WDR87: variants seen among roughly 807,000 people sequenced by gnomAD.
The protein encoded by WDR87 is WD repeat-containing protein 87.
In WDR87, 56 loss-of-function variants were observed where a neutral mutation model predicts 83.3. That is an observed-to-expected ratio of 0.67 (90% confidence interval 0.54 to 0.84). WDR87 has a LOEUF of 0.84. WDR87 is among the 40% of genes least tolerant of loss of function. The probability of loss-of-function intolerance (pLI) is 0.00; values close to 1 mark genes in which losing one functional copy is unlikely to be tolerated. For missense variants in WDR87, 2,939 were observed against 3,431.9 expected (o/e 0.86, Z 3.59); for synonymous variants, 1,173 against 1,250.6 (o/e 0.94, Z 1.31).
rs2046246625 is a variant in WDR87, at chr19:37,895,426, C to T, written c.277G>A (p.Asp93Asn). 6 of 1,551,448 alleles carry T rather than the reference C, an allele frequency of 3.9e-6. No individual in the cohort carries two copies. Among genetic ancestry groups the T allele is most frequent in the Non-Finnish European group, 4.4e-6 (5 of 1,146,986 alleles). The change falls in exon 4 of 6, where the codon GAC becomes AAC. Residue 93 changes from aspartate to asparagine, a missense_variant. Physicochemically the swap from Asp to Asn is conservative, Grantham distance 23. Transcript: ENST00000447313. ...GAGAATGTTCTTTTCTCAACCATGT[C>T]CTCAGTTTTGCTCTTCATCCATGCT... is the stretch of plus-strand genomic sequence containing the variant. ...AVAWMKSKTE[D>N]MVEKRTFSMT...
At chr19:37,905,851 T>A (rs1599777999) in intron 1 of WDR87, among the ~76,000 whole-genome samples, 1 of 152,214 alleles carries the variant, frequency 6.6e-6, no homozygotes, top group East Asian at 1.9e-4. Flanking sequence ...AGTATTGCTC[T>A]ACATTGTTGT....
chr19:37,892,878 C>G lies in WDR87; in HGVS notation c.2825G>C (p.Gly942Ala). 1 of 1,551,952 alleles carries G rather than the reference C, an allele frequency of 6.4e-7. No individual in the cohort carries two copies. Among genetic ancestry groups the G allele is most frequent in the Non-Finnish European group, 8.7e-7 (1 of 1,147,056 alleles). ...ASLLKYQCCV[G>A]ALGQIFASYQ... The stretch of plus-strand genomic sequence containing the variant: ...AGAGGCAAAGATTTGCCCTAGTGCA[C>G]CAACACAGCACTGGTACTTCAGCAA... The change falls in exon 4 of 6, where the codon GGT becomes GCT. Residue 942 changes from glycine (G) to alanine (A), a missense_variant. By Grantham distance (60) the Gly-to-Ala change is moderately conservative (BLOSUM62 0). Around this residue, in one of 3 missense-constraint regions of WDR87, gnomAD observed 2,160 missense variants for 2,533.1 expected, o/e 0.85. Coordinates refer to ENST00000447313, the MANE Select transcript of WDR87 (RefSeq NM_001291088.2).
intron 5 of WDR87, 135 bp from the exon 6 acceptor site, chr19:37,890,411 A>AC: frequency 8.4e-7 from 1 of 1,192,116 alleles, no homozygotes; most frequent in South Asian, 2.5e-5. Flanking sequence ...CTTAAAAAAA[A>AC]AAAGCATTCT....
chr19:37,905,230 CCAA>C (rs2046317390), intron 1 of WDR87, among the ~76,000 whole-genome samples: 1 of 131,306 alleles, frequency 7.6e-6, no homozygotes, highest in African/African-American at 2.9e-5. Flanking sequence ...GACTCCGTCT[CCAA>C]AAAAAAAAAA....
At position 37,891,837 on chromosome 19, in the gene WDR87, A is replaced by G. The variant is rs147439984; in HGVS notation, c.3126-17T>C. On this transcript the variant is annotated splice_polypyrimidine_tract_variant and intron_variant, in intron 4 of 5. Transcript: ENST00000447313. Reference sequence around the variant, plus strand: ...ATCTGCTGCCTATGAAAGTCAAAGGAGAAGAAGGACTATGCTGAGTCAGGA... The same window carrying G: ...ATCTGCTGCCTATGAAAGTCAAAGGGGAAGAAGGACTATGCTGAGTCAGGA... 1,012 of 1,550,044 alleles carry G rather than the reference A, an allele frequency of 6.5e-4. 5 individuals carry two copies. The African/African-American group carries it at 0.013, about 20-fold the overall frequency.
chr19:37,888,004 CT>C lies in WDR87; in HGVS notation c.5666del (p.Lys1889ArgfsTer25), dbSNP rs1450676548. The C allele has an allele frequency of 6.5e-6, 10 of 1,549,848 alleles. No individual in the cohort carries two copies. In the African/African-American group the frequency reaches 1.4e-4, roughly 21 times the overall value. Reference protein sequence around the residue: ...AQEKKNLAQEKEKLAQRKENL... With the variant: ...AQEKKNLAQEXEKLAQRKENL... ...TCTCTTTCCTCTGAGCCAATTTTTC[CT>C]TCTCCTGGGCCAGATTCTTCTTTTC... On this transcript the variant is annotated frameshift_variant, in exon 6 of 6. Transcript: ENST00000447313. LOFTEE classifies it low-confidence loss of function (END_TRUNC).
chr19:37,903,079 C>T (rs1451598770), intron 1 of WDR87, among the ~76,000 whole-genome samples: 1 of 152,108 alleles, frequency 6.6e-6, no homozygotes, highest in Non-Finnish European at 1.5e-5. Context: ...ACGAGGAGAC[C>T]TGGCCACCCA....
chr19:37,891,169 T>TTG, intron 5 of WDR87, among the ~76,000 whole-genome samples: 1 of 149,280 alleles, frequency 6.7e-6, no homozygotes, highest in East Asian at 1.9e-4. Context: ...TATCTCTCTT[T>TTG]TTTTTTTTTT....
At position 37,893,901 on chromosome 19, in the gene WDR87, G is replaced by A. The variant is rs2046230234; in HGVS notation, c.1802C>T (p.Thr601Ile). ...GSQNGLKFIETLPLHLCAITS... is the reference protein window; with the variant it reads ...GSQNGLKFIEILPLHLCAITS... ...GATGGCACACAGGTGCAGAGGCAGTGTTTCTATGAATTTCAAGCCATTCTG... is the reference window on the plus strand; with the variant it reads ...GATGGCACACAGGTGCAGAGGCAGTATTTCTATGAATTTCAAGCCATTCTG... The change falls in exon 4 of 6, where the codon ACA becomes ATA. Residue 601 changes from threonine to isoleucine, a missense_variant. Physicochemically the swap from Thr to Ile is moderately conservative, Grantham distance 89. This residue lies in a region of WDR87 where 553 missense variants were observed against 577.9 expected (regional missense o/e 0.96). Coordinates refer to ENST00000447313, the MANE Select transcript of WDR87 (RefSeq NM_001291088.2). The A allele has an allele frequency of 6.4e-7, 1 of 1,551,734 alleles. No homozygotes were observed. The highest frequency in any genetic ancestry group is 1.4e-5 in the African/African-American group (1 of 73,040).
chr19:37,889,962 C>T lies in WDR87; in HGVS notation c.3709G>A (p.Glu1237Lys), dbSNP rs73630959. The T allele has an allele frequency of 3.4e-3, 5,307 of 1,551,672 alleles. 156 individuals carry two copies. The African/African-American group carries it at 0.063, about 18-fold the overall frequency. Residue 1237 changes from glutamate (E) to lysine (K), a missense_variant, in exon 6 of 6, where the codon GAA becomes AAA. Physicochemically the swap from Glu to Lys is moderately conservative, Grantham distance 56. This residue lies in a region of WDR87 where 2,160 missense variants were observed against 2,533.1 expected (regional missense o/e 0.85). Transcript: ENST00000447313. ...GTTTCCTCATTTATAACTTTGGCTTCTTTTCCCTTCTTTTTGTGCTTCTTT... is the reference window on the plus strand; with the variant it reads ...GTTTCCTCATTTATAACTTTGGCTTTTTTTCCCTTCTTTTTGTGCTTCTTT... ...LKKKHKKKGK[E>K]AKVINEETTP... is the part of the protein sequence containing the mutation.
chr19:37,887,668 T>C lies in WDR87; in HGVS notation c.6003A>G (p.Ala2001=). The change falls in exon 6 of 6, where the codon GCA becomes GCG. Residue 2001 remains alanine (A), a synonymous_variant. Coordinates refer to ENST00000447313, the MANE Select transcript of WDR87 (RefSeq NM_001291088.2). ...GELDIAKEEK[A]LNLEMKRLAE... is the part of the protein sequence containing the mutation. The stretch of plus-strand genomic sequence containing the variant: ...CCAGTCTTTTCATTTCCAGGTTCAA[T>C]GCCTTTTCTTCCTTAGCAATATCCA... 6.4e-7 allele frequency: 1 copy of C among 1,552,312 alleles called. No individual in the cohort carries two copies. The highest frequency in any genetic ancestry group is 1.4e-5 in the African/African-American group (1 of 73,174).
In WDR87 at chr19:37,892,577, C is replaced by A. The variant is rs1279845164; in HGVS notation, c.3125+1G>T. 6.8e-7 allele frequency: 1 copy of A among 1,481,298 alleles called. No individual in the cohort carries two copies. Among genetic ancestry groups the A allele is most frequent in the South Asian group, 1.4e-5 (1 of 71,970 alleles). 91.8% of individuals were successfully genotyped at this position (1,481,298 alleles called of 1,614,324 possible). A position where few individuals can be genotyped will look rare whatever the true frequency, so the allele number is the denominator to read the frequency against. ...AAGAATTGAAGGAAGCACAAACTTA[C>A]TGCATCTCCCGAAAAGTCTCTTGTT... On this transcript the variant is annotated splice_donor_variant, in intron 4 of 5. Coordinates refer to ENST00000447313, the MANE Select transcript of WDR87 (RefSeq NM_001291088.2). LOFTEE classifies it high-confidence loss of function.
Position 37,888,213 on chromosome 19 carries a change from T to C in WDR87, c.5458A>G (p.Lys1820Glu), listed in dbSNP as rs2046168792. The change falls in exon 6 of 6, where the codon AAG (lysine) becomes GAG (glutamate). Residue 1820 changes from lysine to glutamate, a missense_variant. Lys to Glu is a moderately conservative substitution (Grantham distance 56). Transcript: ENST00000447313. Reference sequence around the variant, plus strand: ...TCCTTGTGCTGGGCCAGTTTCTCCTTTTCCTGGATCAGCAACTCTTCTTCC... The same window carrying C: ...TCCTTGTGCTGGGCCAGTTTCTCCTCTTCCTGGATCAGCAACTCTTCTTCC... ...AQEEELLIQE[K>E]EKLAQHKEKM... The C allele has an allele frequency of 1.9e-6, 3 of 1,552,084 alleles. No individual in the cohort carries two copies. Among genetic ancestry groups the C allele is most frequent in the Non-Finnish European group, 2.6e-6 (3 of 1,147,118 alleles).
intron 4 of WDR87, 106 bp from the exon 5 acceptor site, chr19:37,891,926 C>T: frequency 7.4e-7 from 1 of 1,351,104 alleles, no homozygotes; most frequent in Non-Finnish European, 9.9e-7. Context: ...GCAAAGTGGC[C>T]AAGAGAGATG....
rs2046181589 is a variant in WDR87 at position 37,889,284 on chromosome 19, C to T, written c.4387G>A (p.Glu1463Lys). Residue 1463 changes from glutamate (E) to lysine (K), a missense_variant, in exon 6 of 6, where the codon GAG becomes AAG. Physicochemically the swap from Glu to Lys is moderately conservative, Grantham distance 56 (BLOSUM62 1). Around this residue, in one of 3 missense-constraint regions of WDR87, gnomAD observed 2,160 missense variants for 2,533.1 expected, o/e 0.85. Transcript: ENST00000447313. ...TCCACTTCCTCACTCATATCCCTCT[C>T]TTCTTTGGTCATTTCCCTCTTTATT... Reference protein sequence around the residue: ...GKIKREMTKEERDMSEEVEEM... With the variant: ...GKIKREMTKEKRDMSEEVEEM... The T allele has an allele frequency of 6.4e-7, 1 of 1,551,750 alleles. No individual in the cohort carries two copies. The highest frequency in any genetic ancestry group is 1.4e-5 in the African/African-American group (1 of 73,038).
intron 1 of WDR87, among the ~76,000 whole-genome samples, chr19:37,904,254 A>G (rs975859052): frequency 2.4e-4 from 37 of 151,844 alleles, no homozygotes; most frequent in Non-Finnish European, 8.8e-5. Context: ...TGTACTAAGG[A>G]GCAGGTAAGG....
In WDR87 at chr19:37,885,254, C is replaced by T. The variant is rs927966832; in HGVS notation, c.8417G>A (p.Arg2806Lys). ...LMDLYQLKSPRIQKLLQELLM... is the reference protein window; with the variant it reads ...LMDLYQLKSPKIQKLLQELLM... ...CAGCTCCTGAAGCAGCTTCTGGATT[C>T]TGGGGGACTTAAGTTGGTACAGGTC... The change falls in exon 6 of 6, where the codon AGA (arginine) becomes AAA (lysine). Residue 2806 changes from arginine to lysine, a missense_variant. Around this residue, in one of 3 missense-constraint regions of WDR87, gnomAD observed 2,160 missense variants for 2,533.1 expected, o/e 0.85. Transcript: ENST00000447313. 2.1e-5 allele frequency: 32 copies of T among 1,519,410 alleles called. No homozygotes were observed. Among genetic ancestry groups the T allele is most frequent in the Non-Finnish European group, 2.7e-5 (31 of 1,133,918 alleles). 94.1% of individuals were successfully genotyped at this position (1,519,410 alleles called of 1,614,324 possible). A position where few individuals can be genotyped will look rare whatever the true frequency, so the allele number is the denominator to read the frequency against.
intron 1 of WDR87, among the ~76,000 whole-genome samples, chr19:37,903,881 C>T (rs923714295): frequency 3.9e-5 from 6 of 152,012 alleles, no homozygotes; most frequent in African/African-American, 1.2e-4. Flanking sequence ...CTATTATCCT[C>T]CCTGTAATTA....
chr19:37,893,547 A>G lies in WDR87; in HGVS notation c.2156T>C (p.Ile719Thr). Residue 719 changes from isoleucine to threonine, a missense_variant, in exon 4 of 6, where the codon ATC (isoleucine) becomes ACC (threonine). Around this residue, in one of 3 missense-constraint regions of WDR87, gnomAD observed 553 missense variants for 577.9 expected, o/e 0.96. Transcript: ENST00000447313. ...SFETMFVPKY[I>T]YPGQAQQKLV... is the part of the protein sequence containing the mutation. ...TTTCTGTTGCGCTTGTCCAGGGTAG[A>G]TGTACTTGGGCACAAACATGGTCTC... The G allele has an allele frequency of 1.3e-6, 2 of 1,551,780 alleles. No individual in the cohort carries two copies. The highest frequency in any genetic ancestry group is 1.7e-6 in the Non-Finnish European group (2 of 1,147,036).
Sources: gnomAD v4.1 joint callset for allele counts (sites outside exome capture counted in the v4.1 genomes callset) on GRCh38, gnomAD v4.1.1 for gene constraint, gnomAD v4.1.1 regional missense constraint, MANE v1.5 for transcripts, NCBI Gene and HGNC (gene_info 2026-07-23, HGNC 2026-07-21) for gene names.